Variants in LCMT1 observed in about 807,000 individuals in gnomAD.
The protein encoded by LCMT1 is leucine carboxyl methyltransferase 1, also known as [Phosphatase 2A protein]-leucine-carboxy methyltransferase 1.
LCMT1 carries 32 observed loss-of-function variants against 47.7 expected under a neutral mutation model. That is an observed-to-expected ratio of 0.67 (90% CI 0.51 to 0.90). The LOEUF is 0.90. LCMT1 is among the 40% of genes least tolerant of loss of function. The probability of loss-of-function intolerance (pLI) is 0.00; values close to 1 mark genes in which losing one functional copy is unlikely to be tolerated. For missense variants in LCMT1, 375 were observed against 415.2 expected (o/e 0.90, Z 0.84); for synonymous variants, 152 against 149.7 (o/e 1.02, Z -0.11).
chr16:25,130,633 G>A (rs1156349536), intron 2 of LCMT1, among the ~76,000 whole-genome samples: 2 of 151,726 alleles, frequency 1.3e-5, no homozygotes, highest in African/African-American at 2.4e-5. Context: ...GTGACAGAGC[G>A]AGACCCTGTC....
intron 7 of LCMT1, 68 bp downstream of exon 7, chr16:25,164,786 C>T: frequency 6.2e-7 from 1 of 1,601,332 alleles, no homozygotes. Context: ...CTCCCAGCAC[C>T]CTTAGGATAA....
At chr16:25,133,423 T>C (rs1960413358) in intron 3 of LCMT1, among the ~76,000 whole-genome samples, 1 of 107,308 alleles carries the variant, frequency 9.3e-6, no homozygotes, top group Non-Finnish European at 1.9e-5. Flanking sequence ...TTTGAGACAG[T>C]CTTGCTCCTC....
rs1251005453 is a variant in LCMT1 at position 25,128,417 on chromosome 16, A to G, written c.114-58A>G. 2.3e-6 allele frequency: 3 copies of G among 1,295,910 alleles called. No individual in the cohort carries two copies. The East Asian group carries it at 7.5e-5, about 32-fold the overall frequency. 80.3% of individuals were successfully genotyped at this position (1,295,910 alleles called of 1,614,324 possible). A position where few individuals can be genotyped will look rare whatever the true frequency, so the allele number is the denominator to read the frequency against. On this transcript the variant is annotated intron_variant, in intron 1 of 10. Coordinates refer to ENST00000399069, the MANE Select transcript of LCMT1 (RefSeq NM_016309.3). Reference sequence around the variant, plus strand: ...CTGGTTCCTGGGAACTTGGCAGTGGACCTTGGTCTGAACCTACTCAATCTC... The same window carrying G: ...CTGGTTCCTGGGAACTTGGCAGTGGGCCTTGGTCTGAACCTACTCAATCTC...
At chr16:25,157,069 G>A (rs145020570) in intron 5 of LCMT1, among the ~76,000 whole-genome samples, 2 of 151,802 alleles carry the variant, frequency 1.3e-5, no homozygotes, top group African/African-American at 4.8e-5. Context: ...GATTGATGGG[G>A]TTCACTACAG....
chr16:25,117,198 T>G (rs940316711), intron 1 of LCMT1, among the ~76,000 whole-genome samples: 1 of 152,210 alleles, frequency 6.6e-6, no homozygotes, highest in Non-Finnish European at 1.5e-5. Context: ...TCTTCCTCTC[T>G]TTTCCACAAC....
Position 25,178,031 on chromosome 16 carries a change from A to G in LCMT1, c.*8A>G. On this transcript the variant is annotated 3_prime_UTR_variant, in exon 11 of 11. Coordinates refer to ENST00000399069, the MANE Select transcript of LCMT1 (RefSeq NM_016309.3). ...AAGGAGATAACTTATTAATCTGTCG[A>G]AGGCTTATGCCGAGCCAGAAGCCGA... The G allele has an allele frequency of 1.2e-6, 2 of 1,613,754 alleles. No individual in the cohort carries two copies.
intron 3 of LCMT1, among the ~76,000 whole-genome samples, chr16:25,132,858 C>CTTTTTTTT (rs34311865): frequency 1.4e-5 from 2 of 140,610 alleles, no homozygotes; most frequent in Admixed American, 7.0e-5. Flanking sequence ...GCATTTGTAA[C>CTTTTTTTT]TTTTTTTTTT....
rs916766614 is a variant in LCMT1 at position 25,128,570 on chromosome 16, A to G, written c.205+4A>G. On this transcript the variant is annotated splice_donor_region_variant and intron_variant, in intron 2 of 10. Coordinates refer to ENST00000399069, the MANE Select transcript of LCMT1 (RefSeq NM_016309.3). Reference sequence around the variant, plus strand: ...AAAGCCCCTGAAATCAACAGAGGCAAGTGACCATCTCCCTCCCCAACAGCA... The same window carrying G: ...AAAGCCCCTGAAATCAACAGAGGCAGGTGACCATCTCCCTCCCCAACAGCA... 3.1e-6 allele frequency: 5 copies of G among 1,588,356 alleles called. No homozygotes were observed. Among genetic ancestry groups the G allele is most frequent in the Non-Finnish European group, 4.3e-6 (5 of 1,165,278 alleles).
intron 5 of LCMT1, 124 bp downstream of exon 5, chr16:25,151,739 T>C: frequency 1.1e-5 from 5 of 443,814 alleles, no homozygotes; most frequent in South Asian, 1.7e-4. Flanking sequence ...ATACAATGTA[T>C]TGTCAACTGA....
Position 25,178,034 on chromosome 16 carries a change from G to T in LCMT1, c.*11G>T, listed in dbSNP as rs1488215537. The T allele has an allele frequency of 6.2e-7, 1 of 1,613,480 alleles. No individual in the cohort carries two copies. Among genetic ancestry groups the T allele is most frequent in the Non-Finnish European group, 8.5e-7 (1 of 1,179,662 alleles). On this transcript the variant is annotated 3_prime_UTR_variant, in exon 11 of 11. Transcript: ENST00000399069. ...GAGATAACTTATTAATCTGTCGAAG[G>T]CTTATGCCGAGCCAGAAGCCGAAGC...
chr16:25,163,589 G>A (rs1270703808), intron 6 of LCMT1, among the ~76,000 whole-genome samples: 1 of 151,834 alleles, frequency 6.6e-6, no homozygotes, highest in Non-Finnish European at 1.5e-5. Context: ...TACTCACTAT[G>A]AACAAAACAG....
intron 5 of LCMT1, among the ~76,000 whole-genome samples, chr16:25,152,959 T>C (rs775201368): frequency 2.0e-5 from 3 of 152,182 alleles, no homozygotes; most frequent in Non-Finnish European, 4.4e-5. Flanking sequence ...AAGGGGTTTA[T>C]TAGTAATTCA....
At chr16:25,127,814 A>G (rs1960232656) in intron 1 of LCMT1, among the ~76,000 whole-genome samples, 1 of 152,214 alleles carries the variant, frequency 6.6e-6, no homozygotes, top group Non-Finnish European at 1.5e-5. Flanking sequence ...GTCCTCAGTC[A>G]TCCTAAAGCT....
chr16:25,166,886 C>G (rs1011753988), intron 7 of LCMT1, among the ~76,000 whole-genome samples: 1 of 152,196 alleles, frequency 6.6e-6, no homozygotes, highest in African/African-American at 2.4e-5. Flanking sequence ...GCTGGCCTCA[C>G]TGGTCTTTTC....
At chr16:25,144,626 C>G (rs1231894019) in intron 4 of LCMT1, 1 of 152,222 alleles carries the variant, frequency 6.6e-6, no homozygotes, top group Non-Finnish European at 1.5e-5. Context: ...GTTGGTCAGC[C>G]TCCCTGCAGT....
At chr16:25,168,988 T>C in intron 7 of LCMT1, 124 bp from the exon 8 acceptor site, 1 of 704,382 alleles carries the variant, frequency 1.4e-6, no homozygotes, top group Non-Finnish European at 2.5e-6. Flanking sequence ...TCAGTCCGTT[T>C]CCTATGCTGG....
At chr16:25,168,391 G>C (rs1018344760) in intron 7 of LCMT1, among the ~76,000 whole-genome samples, 5 of 152,180 alleles carry the variant, frequency 3.3e-5, no homozygotes, top group African/African-American at 9.7e-5. Flanking sequence ...TACTACAATG[G>C]TGTACACTAA....
At chr16:25,144,813 G>A (rs1960801642) in intron 4 of LCMT1, 1 of 152,182 alleles carries the variant, frequency 6.6e-6, no homozygotes. Context: ...TTCGAAAAAT[G>A]AGCCACTGGC....
intron 1 of LCMT1, among the ~76,000 whole-genome samples, chr16:25,123,552 T>C (rs1434284234): frequency 6.6e-6 from 1 of 151,498 alleles, no homozygotes; most frequent in East Asian, 1.9e-4. Context: ...ATTTACACTT[T>C]AACATTGCAA....
Sources: allele counts gnomAD v4.1 joint callset (sites outside exome capture counted in the v4.1 genomes callset), GRCh38; gene constraint gnomAD v4.1.1; transcripts MANE v1.5; gene names NCBI Gene and HGNC (gene_info 2026-07-23, HGNC 2026-07-21).